The following ABCA1 variants were observed in gnomAD, a reference collection of about 807,000 sequenced individuals.
ABCA1 encodes phospholipid-transporting ATPase ABCA1.
Under a neutral mutation model 262.5 loss-of-function variants are expected in ABCA1, and 133 were observed. The ratio of observed to expected loss-of-function variants is 0.51; its 90% CI spans 0.44 to 0.59. The LOEUF (loss-of-function observed/expected upper bound fraction) is 0.59, where lower values mean the gene tolerates loss of function less well. ABCA1 is among the 20% of genes least tolerant of loss of function. ABCA1 has a pLI of 0.00. For missense variants in ABCA1, 2,452 were observed against 2,777.5 expected, an observed-to-expected ratio of 0.88 and a Z score of 2.63; for synonymous variants, 1,022 against 1,043.5, an observed-to-expected ratio of 0.98 and a Z score of 0.40.
chr9:104,910,231 A>G (rs1841411642), intron 1 of ABCA1, among the ~76,000 whole-genome samples: 1 of 152,178 alleles, frequency 6.6e-6, no homozygotes, highest in African/African-American at 2.4e-5. Flanking sequence ...CCACAAAGTC[A>G]TGCTCCATTT....
chr9:104,842,380 C>A (rs1234233000), intron 8 of ABCA1, among the ~76,000 whole-genome samples: 1 of 152,090 alleles, frequency 6.6e-6, no homozygotes, highest in African/African-American at 2.4e-5. Flanking sequence ...TGAGTCAAAA[C>A]ACTCACTTCT....
rs547975862 is a variant in ABCA1 at position 104,817,991 on chromosome 9, C to T, written c.3463-587G>A. 1.1e-4 allele frequency among the ~76,000 whole-genome samples: 17 copies of T among 152,264 alleles called. No individual in the cohort carries two copies. In the East Asian group the frequency reaches 1.2e-3, roughly 10 times the overall value. On this transcript the variant is annotated intron_variant, in intron 23 of 49. Transcript: ENST00000374736. The surrounding 1 kb of genome is among the most constrained non-coding windows in gnomAD (Gnocchi z 4.7). ...ACAAATAAATCTCAGGCATGTACTG[C>T]GGTACAGAGGAAAACATACCTGGTA...
Position 104,882,028 on chromosome 9 carries a change from T to TAAAAAAAAAAAAAAAAAAAAAAAAA in ABCA1, c.421+986_421+1010dup, listed in dbSNP as rs557626075. Among the ~76,000 whole-genome samples, 51 of 73,750 alleles carry TAAAAAAAAAAAAAAAAAAAAAAAAA rather than the reference T, an allele frequency of 6.9e-4. 6 individuals carry two copies. The highest frequency in any genetic ancestry group is 1.7e-3 in the East Asian group (3 of 1,780). The allele number at this position is 73,750 out of a possible 152,430, so 48.4% of individuals were successfully genotyped here. A position where few individuals can be genotyped will look rare whatever the true frequency, so the allele number is the denominator to read the frequency against. On this transcript the variant is annotated intron_variant, in intron 5 of 49. Transcript: ENST00000374736. The stretch of plus-strand genomic sequence containing the variant: ...CAAGGAAAGCACAGTTCTGTAGCCT[T>TAAAAAAAAAAAAAAAAAAAAAAAAA]AAAAAAAAAAAAAAAAAAAAAAAAA...
rs190192748 is a variant in ABCA1, at chr9:104,797,370, G to A, written c.5122-946C>T. Among the ~76,000 whole-genome samples, 6 of 152,290 alleles carry A rather than the reference G, an allele frequency of 3.9e-5. No individual in the cohort carries two copies. The East Asian group carries it at 1.2e-3, about 29-fold the overall frequency. On this transcript the variant is annotated intron_variant, in intron 37 of 49. Transcript: ENST00000374736. ...TCAAATGAATTTGTATAGAATGAAG[G>A]AGACCCGAATTTCACAATCATTTGT...
intron 30 of ABCA1, among the ~76,000 whole-genome samples, chr9:104,807,351 A>G (rs113194448): frequency 1.3e-5 from 2 of 152,152 alleles, no homozygotes; most frequent in Non-Finnish European, 2.9e-5. Flanking sequence ...CCAGCTCTGA[A>G]TTACTGTGGG....
At chr9:104,862,632 G>A in intron 5 of ABCA1, among the ~76,000 whole-genome samples, 1 of 658 alleles carries the variant, frequency 1.5e-3, no homozygotes, top group Non-Finnish European at 3.7e-3. Context: ...AATGCAGACT[G>A]CCGGGCCGGG....
At chr9:104,895,801 G>A (rs571847384) in intron 2 of ABCA1, among the ~76,000 whole-genome samples, 3 of 152,178 alleles carry the variant, frequency 2.0e-5, no homozygotes, top group South Asian at 4.1e-4. Context: ...TCCCTCCCTA[G>A]CCTGAGGACA....
At chr9:104,854,118 A>C (rs1306704841) in intron 7 of ABCA1, among the ~76,000 whole-genome samples, 1 of 152,224 alleles carries the variant, frequency 6.6e-6, no homozygotes, top group African/African-American at 2.4e-5. Context: ...TACTCAACCC[A>C]CTTGTGGGAG....
intron 47 of ABCA1, 142 bp from the exon 48 acceptor site, chr9:104,786,532 A>C: frequency 1.3e-6 from 1 of 779,848 alleles, no homozygotes; most frequent in Non-Finnish European, 2.2e-6. Context: ...GATGCTGTTC[A>C]GTGTAGTGGT....
At chr9:104,899,454 A>G (rs2777787) in intron 2 of ABCA1, among the ~76,000 whole-genome samples, 74,753 of 151,856 alleles carry the variant, frequency 0.49, 21,125 homozygotes, top group African/African-American at 0.79. Flanking sequence ...AGCAGATTGG[A>G]AGGCTGAGGT....
intron 11 of ABCA1, among the ~76,000 whole-genome samples, chr9:104,835,819 A>T (rs962317636): frequency 2.0e-5 from 3 of 152,192 alleles, no homozygotes; most frequent in Non-Finnish European, 4.4e-5. Context: ...TGAAGAATTG[A>T]AGCACCTAAG....
intron 5 of ABCA1, among the ~76,000 whole-genome samples, chr9:104,872,139 C>T (rs1837678036): frequency 6.6e-6 from 1 of 152,292 alleles, no homozygotes; most frequent in African/African-American, 2.4e-5. Context: ...AAGCATTAGG[C>T]ACACTATTAG....
At chr9:104,871,196 C>T (rs1483006145) in intron 5 of ABCA1, among the ~76,000 whole-genome samples, 1 of 152,154 alleles carries the variant, frequency 6.6e-6, no homozygotes, top group Non-Finnish European at 1.5e-5. Context: ...AGCAACAAGG[C>T]ACCATCTTAG....
At chr9:104,787,399 T>C (rs1588192418) in intron 46 of ABCA1, among the ~76,000 whole-genome samples, 2 of 152,260 alleles carry the variant, frequency 1.3e-5, no homozygotes, top group East Asian at 3.9e-4. Context: ...ATATTGCAAC[T>C]GTTAGCCTTA....
At chr9:104,810,133 T>C (rs1200968398) in intron 29 of ABCA1, among the ~76,000 whole-genome samples, 6 of 135,202 alleles carry the variant, frequency 4.4e-5, no homozygotes, top group Admixed American at 2.2e-4. Flanking sequence ...AGAGGCCAAT[T>C]CACATTACAT....
chr9:104,831,564 T>TA (rs1833323900), intron 13 of ABCA1, 58 bp downstream of exon 13: 1 of 1,414,594 alleles, frequency 7.1e-7, no homozygotes, highest in African/African-American at 1.4e-5. Flanking sequence ...CTTGTCCTAA[T>TA]ATAATAGGTG....
chr9:104,822,502 G>T lies in ABCA1; in HGVS notation c.2822C>A (p.Thr941Asn). 6.2e-7 allele frequency: 1 copy of T among 1,613,350 alleles called. No individual in the cohort carries two copies. The highest frequency in any genetic ancestry group is 8.5e-7 in the Non-Finnish European group (1 of 1,179,916). The change falls in exon 19 of 50, where the codon ACC (threonine) becomes AAC (asparagine). Residue 941 changes from threonine to asparagine, a missense_variant. Physicochemically the swap from Thr to Asn is moderately conservative, Grantham distance 65. Transcript: ENST00000374736. ...AACCACACCCTCTTCTTACATGGTG[G>T]TCGTCTTCCCCGCTCCATTGTGGCC... is the stretch of plus-strand genomic sequence containing the variant. ...FLGHNGAGKT[T>N]TMSILTGLFP...
chr9:104,862,639 C>CGGGCAGGGCA (rs1564197760), intron 5 of ABCA1, among the ~76,000 whole-genome samples: 1 of 5,384 alleles, frequency 1.9e-4, no homozygotes, highest in Non-Finnish European at 4.6e-4. Flanking sequence ...ACTGCCGGGC[C>CGGGCAGGGCA]GGGCCGGGCC....
At chr9:104,867,486 G>A (rs1234690167) in intron 5 of ABCA1, among the ~76,000 whole-genome samples, 3 of 152,164 alleles carry the variant, frequency 2.0e-5, no homozygotes, top group East Asian at 1.9e-4. Context: ...TGGCTTTGGC[G>A]GCTAAGTTGA....
Sources: allele counts gnomAD v4.1 joint callset (sites outside exome capture counted in the v4.1 genomes callset), GRCh38; gene constraint gnomAD v4.1.1; non-coding constraint Gnocchi (gnomAD v3.1); transcripts MANE v1.5; gene names NCBI Gene and HGNC (gene_info 2026-07-23, HGNC 2026-07-21).